Variants in MYRIP observed in about 807,000 individuals in gnomAD.
MYRIP encodes the protein rab effector MyRIP.
Under a neutral mutation model 98.0 loss-of-function variants are expected in MYRIP, and 49 were observed. That is an observed-to-expected ratio of 0.50 (90% CI 0.40 to 0.63). MYRIP has a LOEUF of 0.63. Ranked by LOEUF, MYRIP falls within the 30% of genes least tolerant of loss-of-function variation. The pLI is 0.00. For synonymous variants in MYRIP, 404 were observed against 409.5 expected, an observed-to-expected ratio of 0.99 and a Z score of 0.16; for missense variants, 1,004 against 1,058.2, an observed-to-expected ratio of 0.95 and a Z score of 0.71.
In MYRIP at chr3:40,151,153, G is replaced by A; in HGVS notation, c.438G>A (p.Arg146=). The part of the protein sequence containing the change: ...KVLKNLYRKH[R]LESGACFDIL... ...TGAAGAACCTGTACAGGAAGCACCG[G>A]CTGGAGAGTGGCGCGTGCTTCGACA... The change falls in exon 4 of 17, where the codon CGG becomes CGA. Residue 146 remains arginine, a synonymous_variant. Transcript: ENST00000302541. The A allele has an allele frequency of 1.2e-6, 2 of 1,609,572 alleles. No individual in the cohort carries two copies. Among genetic ancestry groups the A allele is most frequent in the South Asian group, 1.1e-5 (1 of 90,350 alleles).
chr3:40,024,558 T>A, intron 2 of MYRIP, among the ~76,000 whole-genome samples: 1 of 150,536 alleles, frequency 6.6e-6, no homozygotes, highest in East Asian at 1.9e-4. Context: ...GTAGGCTAGA[T>A]GCTTTTTGTG....
At chr3:39,817,459 T>A (rs929304616) in intron 1 of MYRIP, among the ~76,000 whole-genome samples, 1 of 152,204 alleles carries the variant, frequency 6.6e-6, no homozygotes, top group Non-Finnish European at 1.5e-5. Context: ...TATTTTAAGG[T>A]AGCATTTTCC....
chr3:40,218,433 A>G (rs973929523), intron 11 of MYRIP, among the ~76,000 whole-genome samples: 1 of 151,686 alleles, frequency 6.6e-6, no homozygotes, highest in Non-Finnish European at 1.5e-5. Context: ...AAAGAGACAT[A>G]AGGGAATTTT....
chr3:39,987,610 A>G (rs1946064903), intron 2 of MYRIP, among the ~76,000 whole-genome samples: 1 of 152,208 alleles, frequency 6.6e-6, no homozygotes, highest in South Asian at 2.1e-4. Flanking sequence ...GAACTAATTT[A>G]CATTCCCACC....
At chr3:40,066,611 C>G (rs1173563050) in intron 3 of MYRIP, among the ~76,000 whole-genome samples, 1 of 152,094 alleles carries the variant, frequency 6.6e-6, no homozygotes, top group Non-Finnish European at 1.5e-5. Flanking sequence ...AGATTACTGA[C>G]TCATATATCC....
intron 3 of MYRIP, among the ~76,000 whole-genome samples, chr3:40,110,020 A>C (rs1949126325): frequency 1.3e-5 from 2 of 152,120 alleles, no homozygotes; most frequent in South Asian, 4.1e-4. Context: ...AAGGGTAACT[A>C]TGATAAGTGC....
At chr3:40,194,635 C>T (rs993937416) in intron 10 of MYRIP, among the ~76,000 whole-genome samples, 10 of 152,004 alleles carry the variant, frequency 6.6e-5, no homozygotes, top group Non-Finnish European at 8.8e-5. Flanking sequence ...ATTGGAATTG[C>T]GTTAAATGTA....
At chr3:39,920,440 G>C (rs534416681) in intron 2 of MYRIP, among the ~76,000 whole-genome samples, 12 of 152,148 alleles carry the variant, frequency 7.9e-5, no homozygotes, top group African/African-American at 2.9e-4. Context: ...ATTCACTCAC[G>C]TACTGACTTG....
intron 2 of MYRIP, among the ~76,000 whole-genome samples, chr3:39,925,449 T>C (rs929558511): frequency 2.0e-5 from 3 of 152,002 alleles, no homozygotes; most frequent in African/African-American, 7.2e-5. Context: ...GTGAGCATAG[T>C]ACTCAATAGG....
chr3:40,244,819 T>C (rs1051816891), intron 13 of MYRIP, among the ~76,000 whole-genome samples: 7 of 152,204 alleles, frequency 4.6e-5, no homozygotes, highest in African/African-American at 1.7e-4. Flanking sequence ...CGATAATATA[T>C]TGGATGCCCT....
chr3:40,069,868 T>C (rs916060608), intron 3 of MYRIP, among the ~76,000 whole-genome samples: 18 of 152,152 alleles, frequency 1.2e-4, no homozygotes, highest in Non-Finnish European at 2.4e-4. Context: ...TGAGCTTTTG[T>C]GGAGCCAGTC....
At chr3:39,810,501 TTCCTCCTCATAC>T (rs1559482120) in intron 1 of MYRIP, 1 of 152,192 alleles carries the variant, frequency 6.6e-6, no homozygotes, top group Non-Finnish European at 1.5e-5. Context: ...TCATCCCGGG[TTCCTCCTCATAC>T]TCCCTTTCCG....
chr3:40,228,872 C>T (rs1952564799), intron 11 of MYRIP, among the ~76,000 whole-genome samples: 1 of 152,216 alleles, frequency 6.6e-6, no homozygotes, highest in African/African-American at 2.4e-5. Context: ...GGGCTGGAAT[C>T]CCCGCTCTTT....
chr3:39,977,016 G>A (rs1235407104), intron 2 of MYRIP, among the ~76,000 whole-genome samples: 1 of 151,874 alleles, frequency 6.6e-6, no homozygotes, highest in East Asian at 1.9e-4. Context: ...TGCACGTTGT[G>A]CACATGTACC....
At chr3:40,073,727 G>A (rs565852107) in intron 3 of MYRIP, among the ~76,000 whole-genome samples, 3 of 152,224 alleles carry the variant, frequency 2.0e-5, no homozygotes, top group Non-Finnish European at 2.9e-5. Flanking sequence ...CTTAAGGGAC[G>A]TTTCAGAACA....
At chr3:39,904,309 C>A (rs1181917403) in intron 2 of MYRIP, among the ~76,000 whole-genome samples, 1 of 152,116 alleles carries the variant, frequency 6.6e-6, no homozygotes, top group East Asian at 1.9e-4. Context: ...TGCAGTGGCA[C>A]GATGCAACCT....
chr3:39,884,728 AT>A (rs1435404602), intron 1 of MYRIP, among the ~76,000 whole-genome samples: 32 of 151,780 alleles, frequency 2.1e-4, no homozygotes, highest in African/African-American at 7.7e-4. Context: ...AACTTTCCAT[AT>A]TCGCTCATAA....
chr3:39,995,478 C>A (rs927946122), intron 2 of MYRIP, among the ~76,000 whole-genome samples: 1 of 151,958 alleles, frequency 6.6e-6, no homozygotes, highest in African/African-American at 2.4e-5. Flanking sequence ...AAGAAGAGAA[C>A]TTTAGAGAAA....
chr3:40,084,183 A>C (rs1948549651), intron 3 of MYRIP, among the ~76,000 whole-genome samples: 1 of 147,584 alleles, frequency 6.8e-6, no homozygotes, highest in Non-Finnish European at 1.5e-5. Context: ...CAGAAGAAGG[A>C]AAACTAAAAG....
Sources: gnomAD v4.1 joint callset for allele counts (sites outside exome capture counted in the v4.1 genomes callset) on GRCh38, gnomAD v4.1.1 for gene constraint, MANE v1.5 for transcripts, NCBI Gene and HGNC (gene_info 2026-07-23, HGNC 2026-07-21) for gene names.